Variants in EFNA5 observed in about 807,000 individuals in gnomAD.
EFNA5 encodes the protein ephrin-A5.
In EFNA5, 5 loss-of-function variants were observed where a neutral mutation model predicts 22.9. The ratio of observed to expected loss-of-function variants is 0.22; its 90% confidence interval spans 0.11 to 0.46. The LOEUF is 0.46. Among genes scored for constraint, EFNA5 ranks in the 20% least tolerant of loss-of-function variants. The pLI is 0.99. For missense variants in EFNA5, 237 were observed against 293.3 expected, an observed-to-expected ratio of 0.81 and a Z score of 1.40; for synonymous variants, 113 against 112.2, an observed-to-expected ratio of 1.01 and a Z score of -0.04.
chr5:107,670,358 C>T (rs1580593726), intron 1 of EFNA5, 131 bp downstream of exon 1: 1 of 1,246,742 alleles, frequency 8.0e-7, no homozygotes, highest in Non-Finnish European at 1.0e-6. Context: ...CTCAAGCCAT[C>T]AGCGCCCGGG....
At chr5:107,425,512 T>TA (rs1470328211) in intron 2 of EFNA5, among the ~76,000 whole-genome samples, 1 of 152,184 alleles carries the variant, frequency 6.6e-6, no homozygotes, top group African/African-American at 2.4e-5. Context: ...TTTCACAAAG[T>TA]AAAAAAGCAA....
intron 1 of EFNA5, among the ~76,000 whole-genome samples, chr5:107,605,572 G>A (rs1157196532): frequency 5.3e-5 from 5 of 93,908 alleles, no homozygotes; most frequent in African/African-American, 1.7e-4. Flanking sequence ...CCCACCCCCC[G>A]CCACCCCGAC....
At chr5:107,572,381 G>C (rs574174541) in intron 1 of EFNA5, among the ~76,000 whole-genome samples, 1 of 152,102 alleles carries the variant, frequency 6.6e-6, no homozygotes, top group Admixed American at 6.6e-5. Context: ...GTCCAGTCAC[G>C]GTTCTCTGCA....
intron 1 of EFNA5, among the ~76,000 whole-genome samples, chr5:107,449,103 C>T (rs1365861512): frequency 1.3e-5 from 2 of 152,012 alleles, no homozygotes; most frequent in Admixed American, 6.6e-5. Flanking sequence ...CAGTTTCACA[C>T]ATGGAACATG....
At chr5:107,395,034 C>CTTTTTTTTTTTTTTTTTTTTTTTTT in intron 2 of EFNA5, among the ~76,000 whole-genome samples, 1 of 86,132 alleles carries the variant, frequency 1.2e-5, no homozygotes, top group Non-Finnish European at 2.2e-5. Context: ...ATTTCTAGTT[C>CTTTTTTTTTTTTTTTTTTTTTTTTT]TTTTTTTTTT....
intron 1 of EFNA5, among the ~76,000 whole-genome samples, chr5:107,467,991 TC>T (rs1212642793): frequency 3.9e-5 from 6 of 152,236 alleles, no homozygotes; most frequent in Non-Finnish European, 7.3e-5. Context: ...AGCCAAACTT[TC>T]AATTATGACA....
At chr5:107,472,824 A>G (rs1750174862) in intron 1 of EFNA5, among the ~76,000 whole-genome samples, 1 of 152,266 alleles carries the variant, frequency 6.6e-6, no homozygotes, top group East Asian at 1.9e-4. Context: ...AGAGATCAGT[A>G]ACGTGAGCTG....
intron 1 of EFNA5, among the ~76,000 whole-genome samples, chr5:107,498,405 A>G (rs540005224): frequency 3.5e-4 from 53 of 152,300 alleles, no homozygotes; most frequent in African/African-American, 1.2e-3. Context: ...TTCTTGATTC[A>G]TGCATATTAT....
At chr5:107,384,258 A>C (rs1747549358) in intron 4 of EFNA5, among the ~76,000 whole-genome samples, 1 of 152,324 alleles carries the variant, frequency 6.6e-6, no homozygotes, top group African/African-American at 2.4e-5. Context: ...CCTCTTCAGA[A>C]GTCAAATCAA....
chr5:107,609,773 C>T (rs796975689), intron 1 of EFNA5, among the ~76,000 whole-genome samples: 20 of 152,170 alleles, frequency 1.3e-4, no homozygotes, highest in African/African-American at 4.1e-4. Flanking sequence ...GTGCCTTCCA[C>T]CTTAGCCCTC....
At chr5:107,607,327 G>A (rs527286410) in intron 1 of EFNA5, among the ~76,000 whole-genome samples, 13 of 152,236 alleles carry the variant, frequency 8.5e-5, no homozygotes, top group South Asian at 2.1e-4. Context: ...ATAAAACGGC[G>A]AGTAGGCTAA....
At chr5:107,560,385 G>T (rs139389221) in intron 1 of EFNA5, among the ~76,000 whole-genome samples, 1,698 of 152,300 alleles carry the variant, frequency 0.011, 13 homozygotes, top group South Asian at 0.022. Context: ...GTTGACAGAT[G>T]AAATTTCCTC....
chr5:107,536,777 G>A (rs754488157), intron 1 of EFNA5, among the ~76,000 whole-genome samples: 7 of 152,078 alleles, frequency 4.6e-5, no homozygotes, highest in Non-Finnish European at 1.0e-4. Context: ...GGGAACACAC[G>A]GCACCCTCAG....
At chr5:107,441,886 G>A (rs1292883856) in intron 1 of EFNA5, among the ~76,000 whole-genome samples, 1 of 151,936 alleles carries the variant, frequency 6.6e-6, no homozygotes, top group Non-Finnish European at 1.5e-5. Context: ...AAACTTACTG[G>A]ACAACTCAAA....
chr5:107,487,457 A>G (rs1012842752), intron 1 of EFNA5, among the ~76,000 whole-genome samples: 1 of 152,238 alleles, frequency 6.6e-6, no homozygotes, highest in Non-Finnish European at 1.5e-5. Context: ...ACAAGCAGTT[A>G]GTATTTGCAG....
intron 1 of EFNA5, among the ~76,000 whole-genome samples, chr5:107,610,351 G>A (rs573629380): frequency 4.6e-5 from 7 of 152,346 alleles, no homozygotes; most frequent in South Asian, 4.1e-4. Flanking sequence ...GCCTCACGGC[G>A]CACCCGCCCC....
chr5:107,467,161 G>A (rs1417154209), intron 1 of EFNA5, among the ~76,000 whole-genome samples: 2 of 152,140 alleles, frequency 1.3e-5, no homozygotes, highest in African/African-American at 2.4e-5. Flanking sequence ...AAGTGGAGGG[G>A]CCATCTCAGC....
At chr5:107,587,744 C>T (rs1284462674) in intron 1 of EFNA5, among the ~76,000 whole-genome samples, 1 of 152,198 alleles carries the variant, frequency 6.6e-6, no homozygotes, top group Non-Finnish European at 1.5e-5. Flanking sequence ...GTCTCGATCT[C>T]CTAACCTCGT....
chr5:107,390,671 G>C (rs1051115602), intron 2 of EFNA5, among the ~76,000 whole-genome samples: 5 of 150,924 alleles, frequency 3.3e-5, no homozygotes, highest in Non-Finnish European at 7.4e-5. Flanking sequence ...AAGTAAATAT[G>C]TAAGTATTTT....
Sources: allele counts gnomAD v4.1 joint callset (sites outside exome capture counted in the v4.1 genomes callset), GRCh38; gene constraint gnomAD v4.1.1; transcripts MANE v1.5; gene names NCBI Gene and HGNC (gene_info 2026-07-23, HGNC 2026-07-21).